Variants in METTL3 observed in about 807,000 individuals in gnomAD.
The protein encoded by METTL3 is methyltransferase 3, N6-adenosine-methyltransferase complex catalytic subunit, also known as N(6)-adenosine-methyltransferase catalytic subunit METTL3.
A neutral mutation model predicts 64.3 loss-of-function variants in METTL3; 42 were observed. That is an observed-to-expected ratio of 0.65 (90% confidence interval 0.51 to 0.84). The LOEUF (loss-of-function observed/expected upper bound fraction) is 0.84. METTL3 is among the 40% of genes least tolerant of loss of function. METTL3 has a pLI of 0.00. For synonymous variants in METTL3, 256 were observed against 263.6 expected, an observed-to-expected ratio of 0.97 and a Z score of 0.28; for missense variants, 435 against 722.3, an observed-to-expected ratio of 0.60 and a Z score of 4.56.
rs1393333252 is a variant in METTL3, at chr14:21,499,196, C to A, written c.1519-59G>T. The stretch of plus-strand genomic sequence containing the variant: ...CACAAGATTGCAATTCTAGCCCTTT[C>A]TATTATGTTTATGATCTAAATGAGA... On this transcript the variant is annotated intron_variant, in intron 9 of 10. Coordinates refer to ENST00000298717, the MANE Select transcript of METTL3 (RefSeq NM_019852.5). 5.1e-6 allele frequency: 8 copies of A among 1,580,534 alleles called. No individual in the cohort carries two copies. The South Asian group carries it at 6.6e-5, about 13-fold the overall frequency.
rs1891533902 is a variant in METTL3, at chr14:21,500,439, T to G, written c.1304+56A>C. The stretch of plus-strand genomic sequence containing the variant: ...GAAAACCCAGGATTTTATCTCCCAT[T>G]CAGTATTCACTCTTGTACTGTATCT... On this transcript the variant is annotated intron_variant, in intron 6 of 10. Transcript: ENST00000298717. The G allele has an allele frequency of 1.9e-6, 3 of 1,546,800 alleles. No individual in the cohort carries two copies. The African/African-American group carries it at 4.1e-5, about 21-fold the overall frequency.
chr14:21,500,729 T>C (rs1464779519), intron 5 of METTL3, 47 bp from the exon 6 acceptor site: 3 of 1,565,196 alleles, frequency 1.9e-6, no homozygotes, highest in Non-Finnish European at 2.6e-6. Flanking sequence ...AACTCTGAGA[T>C]TCATGGCCCG....
At chr14:21,501,222 C>A (rs750884838) in intron 4 of METTL3, 93 bp from the exon 5 acceptor site, 23 of 957,974 alleles carry the variant, frequency 2.4e-5, no homozygotes, top group South Asian at 1.8e-4. Flanking sequence ...TATTTTATTA[C>A]CCTCCCCTAA....
intron 1 of METTL3, chr14:21,510,910 T>C: frequency 7.5e-6 from 4 of 536,506 alleles, no homozygotes; most frequent in Non-Finnish European, 1.3e-5. Flanking sequence ...CCGGTAAAAG[T>C]GAGCTGGAAG....
intron 1 of METTL3, among the ~76,000 whole-genome samples, chr14:21,507,486 C>T (rs1450434186): frequency 1.3e-5 from 2 of 151,978 alleles, no homozygotes; most frequent in African/African-American, 2.4e-5. Context: ...TGTGAAACCC[C>T]GTCTCTACTA....
intron 1 of METTL3, chr14:21,504,720 G>A (rs1277982279): frequency 6.7e-6 from 1 of 150,092 alleles, no homozygotes; most frequent in African/African-American, 2.5e-5. Flanking sequence ...CACTTGAGGT[G>A]AGGAGTTCGA....
rs1891453837 is a variant in METTL3, at chr14:21,498,187, A to G, written c.*71T>C. 2 of 895,768 alleles carry G rather than the reference A, an allele frequency of 2.2e-6. No individual in the cohort carries two copies. Among genetic ancestry groups the G allele is most frequent in the South Asian group, 2.8e-5 (2 of 72,108 alleles). 55.5% of individuals were successfully genotyped at this position (895,768 alleles called of 1,614,324 possible). On this transcript the variant is annotated 3_prime_UTR_variant, in exon 11 of 11. Coordinates refer to ENST00000298717, the MANE Select transcript of METTL3 (RefSeq NM_019852.5). ...TTTAAATAAAGAAGAAAGCTATTGT[A>G]CAAATATCACTCTTCAGGTTTAGCT... is the stretch of plus-strand genomic sequence containing the variant.
At chr14:21,498,754 A>C in intron 10 of METTL3, 1 of 481,442 alleles carries the variant, frequency 2.1e-6, no homozygotes, top group Non-Finnish European at 3.7e-6. Flanking sequence ...GGGCAGATTC[A>C]ATACATCACA....
intron 10 of METTL3, 47 bp from the exon 11 acceptor site, chr14:21,498,416 AG>A: frequency 6.3e-7 from 1 of 1,585,556 alleles, no homozygotes; most frequent in East Asian, 2.2e-5. Flanking sequence ...CTGGAATTAG[AG>A]GGTTTAATAT....
rs1891461075 is a variant in METTL3 at position 21,498,371 on chromosome 14, T to C, written c.1632-2A>G. ...TCCAGTTGGTTTCCAAGGGTGATCCTGAAACAGTGTAAAAGGAGGGGCAAA... is the reference window on the plus strand; with the variant it reads ...TCCAGTTGGTTTCCAAGGGTGATCCCGAAACAGTGTAAAAGGAGGGGCAAA... On this transcript the variant is annotated splice_acceptor_variant, in intron 10 of 10. Coordinates refer to ENST00000298717, the MANE Select transcript of METTL3 (RefSeq NM_019852.5). LOFTEE classifies it high-confidence loss of function. The C allele has an allele frequency of 6.2e-7, 1 of 1,613,964 alleles. No homozygotes were observed. The highest frequency in any genetic ancestry group is 1.1e-5 in the South Asian group (1 of 91,072).
At position 21,503,506 on chromosome 14, in the gene METTL3, CTCAA is replaced by C; in HGVS notation, c.386_389del (p.Ile129ArgfsTer2). 1 of 1,612,018 alleles carries C rather than the reference CTCAA, an allele frequency of 6.2e-7. No homozygotes were observed. Among genetic ancestry groups the C allele is most frequent in the East Asian group, 2.2e-5 (1 of 44,882 alleles). On this transcript the variant is annotated frameshift_variant, in exon 3 of 11. Coordinates refer to ENST00000298717, the MANE Select transcript of METTL3 (RefSeq NM_019852.5). LOFTEE classifies it high-confidence loss of function. ...CATCTTGTAGGAGACCTCGCTTTAC[CTCAA>C]TCAACTCCTGAGCTGCAAACTTCTG...
chr14:21,500,584 G>A lies in METTL3; in HGVS notation c.1215C>T (p.Pro405=), dbSNP rs1341463176. 6.2e-7 allele frequency: 1 copy of A among 1,613,966 alleles called. No homozygotes were observed. The highest frequency in any genetic ancestry group is 1.3e-5 in the African/African-American group (1 of 74,878). The change falls in exon 6 of 11, where the codon CCC becomes CCT. Residue 405 remains proline (P), a synonymous_variant. Transcript: ENST00000298717. ...TCTCATCATCTGTCAGGGTCCCATA[G>A]GGCAGTTCCATGTGAATATCCCAGG... is the stretch of plus-strand genomic sequence containing the variant. ...DPPWDIHMEL[P]YGTLTDDEMR... is the part of the protein sequence containing the mutation.
At chr14:21,510,092 T>C (rs1891796661) in intron 1 of METTL3, among the ~76,000 whole-genome samples, 1 of 152,248 alleles carries the variant, frequency 6.6e-6, no homozygotes, top group Non-Finnish European at 1.5e-5. Context: ...GATTCATTCA[T>C]TTGGTTTCGT....
intron 3 of METTL3, 110 bp downstream of exon 3, chr14:21,503,063 C>T (rs1594441195): frequency 1.2e-5 from 15 of 1,218,316 alleles, no homozygotes; most frequent in East Asian, 1.2e-4. Context: ...GGGAATCATC[C>T]CCAGTTGAGA....
intron 1 of METTL3, 37 bp downstream of exon 1, chr14:21,511,087 C>T: frequency 6.2e-7 from 1 of 1,607,232 alleles, no homozygotes; most frequent in East Asian, 2.2e-5. Flanking sequence ...CCCGTCCTCC[C>T]CGGTTGAGCC....
At chr14:21,502,953 T>C in intron 3 of METTL3, 2 of 548,200 alleles carry the variant, frequency 3.6e-6, no homozygotes, top group Non-Finnish European at 6.5e-6. Context: ...TTTGACAACA[T>C]CCCTGGCCTC....
intron 1 of METTL3, chr14:21,508,106 T>G (rs1891742172): frequency 6.6e-6 from 1 of 151,648 alleles, no homozygotes; most frequent in Non-Finnish European, 1.5e-5. Context: ...AAATAAAAAT[T>G]AAAAAGTAGG....
At chr14:21,507,295 T>A (rs1379839638) in intron 1 of METTL3, among the ~76,000 whole-genome samples, 2 of 152,226 alleles carry the variant, frequency 1.3e-5, no homozygotes, top group Non-Finnish European at 1.5e-5. Context: ...ACATTTTAGT[T>A]CATTTTATAT....
chr14:21,501,803 A>T lies in METTL3; in HGVS notation c.824T>A (p.Phe275Tyr). 1 of 1,614,102 alleles carries T rather than the reference A, an allele frequency of 6.2e-7. No individual in the cohort carries two copies. The highest frequency in any genetic ancestry group is 8.5e-7 in the Non-Finnish European group (1 of 1,180,008). Residue 275 changes from phenylalanine to tyrosine, a missense_variant, in exon 4 of 11, where the codon TTC becomes TAC. By Grantham distance (22) the Phe-to-Tyr change is conservative. This residue lies in a region of METTL3 where 40 missense variants were observed against 89.6 expected (regional missense o/e 0.45). Transcript: ENST00000298717. Reference protein sequence around the residue: ...RSRGRAQVQEFCDYGTKEECM... With the variant: ...RSRGRAQVQEYCDYGTKEECM... ...CTCCTCCTTGGTTCCATAGTCACAGAATTCTTGCACTTGGGCCCGACCTCG... is the reference window on the plus strand; with the variant it reads ...CTCCTCCTTGGTTCCATAGTCACAGTATTCTTGCACTTGGGCCCGACCTCG...
Sources: gnomAD v4.1 joint callset for allele counts (sites outside exome capture counted in the v4.1 genomes callset) on GRCh38, gnomAD v4.1.1 for gene constraint, gnomAD v4.1.1 regional missense constraint, MANE v1.5 for transcripts, NCBI Gene and HGNC (gene_info 2026-07-23, HGNC 2026-07-21) for gene names.